Variants in DOCK9 observed in about 807,000 individuals in gnomAD.
DOCK9 encodes dedicator of cytokinesis protein 9.
DOCK9 carries 89 observed loss-of-function variants against 263.3 expected under a neutral mutation model. The ratio of observed to expected loss-of-function variants is 0.34; its 90% CI spans 0.28 to 0.40. The LOEUF is 0.40. DOCK9 is among the 10% of genes least tolerant of loss of function. The probability of loss-of-function intolerance (pLI) is 1.00; values close to 1 mark genes in which losing one functional copy is unlikely to be tolerated. For synonymous variants in DOCK9, 976 were observed against 973.1 expected (o/e 1.00, Z -0.06); for missense variants, 2,140 against 2,603.4 (o/e 0.82, Z 3.87).
chr13:98,974,548 G>A (rs1277461494), intron 1 of DOCK9, among the ~76,000 whole-genome samples: 2 of 151,862 alleles, frequency 1.3e-5, no homozygotes, highest in African/African-American at 4.8e-5. Context: ...TCAGGAGTTC[G>A]AAACCAGCCT....
intron 27 of DOCK9, among the ~76,000 whole-genome samples, chr13:98,872,276 A>T (rs1355683462): frequency 1.3e-5 from 2 of 152,090 alleles, no homozygotes; most frequent in African/African-American, 4.8e-5. Flanking sequence ...GCAAACAACA[A>T]AAGTAATGGG....
At chr13:98,942,199 T>A (rs1305936204) in intron 2 of DOCK9, among the ~76,000 whole-genome samples, 5 of 151,950 alleles carry the variant, frequency 3.3e-5, no homozygotes, top group Admixed American at 3.3e-4. Context: ...TTTCCAGTTG[T>A]CTGTATGTGT....
In DOCK9 at chr13:98,805,173, T is replaced by C. The variant is rs1387272237; in HGVS notation, c.5551A>G (p.Ile1851Val). ...AAGGGGATGACGTGAGTCACCTGGA[T>C]GTATGCATACTTAGAATCCAGATCC... The part of the protein sequence containing the change: ...PKDLDSKYAY[I>V]QVTHVIPFFD... Residue 1851 changes from isoleucine (I) to valine (V), a missense_variant, in exon 49 of 53, where the codon ATC (isoleucine) becomes GTC (valine). Physicochemically the swap from Ile to Val is conservative, Grantham distance 29. Coordinates refer to ENST00000682017, the MANE Select transcript of DOCK9 (RefSeq NM_001366683.2). The C allele has an allele frequency of 5.6e-6, 9 of 1,605,970 alleles. No individual in the cohort carries two copies. In the South Asian group the frequency reaches 1.0e-4, roughly 18 times the overall value.
intron 23 of DOCK9, 23 bp from the exon 24 acceptor site, chr13:98,882,030 T>C: frequency 6.5e-7 from 1 of 1,544,324 alleles, no homozygotes; most frequent in Non-Finnish European, 8.8e-7. Context: ...AATGGCACAG[T>C]TCATGTTATC....
chr13:98,990,028 C>T (rs1295414054), intron 1 of DOCK9, among the ~76,000 whole-genome samples: 3 of 152,178 alleles, frequency 2.0e-5, no homozygotes, highest in African/African-American at 7.2e-5. Flanking sequence ...AAAACCAACC[C>T]TAGTGTTCTG....
intron 1 of DOCK9, among the ~76,000 whole-genome samples, chr13:98,968,908 G>T (rs555604944): frequency 6.6e-6 from 1 of 152,254 alleles, no homozygotes; most frequent in East Asian, 1.9e-4. Context: ...CCCTGGAAGA[G>T]CCATCTTCTC....
chr13:99,000,838 GTAACA>G (rs1308788549), intron 1 of DOCK9, among the ~76,000 whole-genome samples: 5 of 152,080 alleles, frequency 3.3e-5, no homozygotes, highest in Non-Finnish European at 7.4e-5. Flanking sequence ...AGATAAGAAC[GTAACA>G]TCTAGCTGAG....
intron 1 of DOCK9, among the ~76,000 whole-genome samples, chr13:99,054,109 C>G (rs995294662): frequency 6.6e-6 from 1 of 152,216 alleles, no homozygotes; most frequent in Non-Finnish European, 1.5e-5. Flanking sequence ...TTTGCCGCAT[C>G]TCAAAAGAGG....
intron 1 of DOCK9, among the ~76,000 whole-genome samples, chr13:98,987,564 C>T (rs745935608): frequency 9.2e-5 from 14 of 152,238 alleles, no homozygotes; most frequent in South Asian, 2.1e-4. Context: ...TCTCCAGACA[C>T]GCTCTTCCAT....
chr13:98,916,168 G>A (rs779079506), intron 7 of DOCK9, among the ~76,000 whole-genome samples: 16 of 152,186 alleles, frequency 1.1e-4, no homozygotes, highest in Non-Finnish European at 2.4e-4. Flanking sequence ...CACTAGGCCA[G>A]GATTTCTCAA....
At chr13:98,833,574 C>A (rs1462657874) in intron 39 of DOCK9, among the ~76,000 whole-genome samples, 5 of 152,114 alleles carry the variant, frequency 3.3e-5, no homozygotes, top group Non-Finnish European at 7.4e-5. Context: ...AGGATTCAGT[C>A]CTCTTCAGCC....
chr13:98,839,193 G>A (rs572578183), intron 38 of DOCK9, among the ~76,000 whole-genome samples: 1 of 152,148 alleles, frequency 6.6e-6, no homozygotes, highest in Non-Finnish European at 1.5e-5. Flanking sequence ...CACAGCCAAC[G>A]TCTCTCCAAA....
At chr13:99,070,062 C>T (rs1319863812) in intron 1 of DOCK9, among the ~76,000 whole-genome samples, 1 of 152,174 alleles carries the variant, frequency 6.6e-6, no homozygotes, top group Non-Finnish European at 1.5e-5. Context: ...TGCAAAGTTG[C>T]ATTGTTTCAC....
chr13:99,009,996 A>G (rs1422772494), intron 1 of DOCK9, among the ~76,000 whole-genome samples: 2 of 149,462 alleles, frequency 1.3e-5, no homozygotes, highest in African/African-American at 5.0e-5. Context: ...TTAAGGCCAT[A>G]AGGTAAAAAA....
At position 98,810,183 on chromosome 13, in the gene DOCK9, G is replaced by A. The variant is rs763378979; in HGVS notation, c.5239C>T (p.Arg1747Trp). 6.5e-5 allele frequency: 105 copies of A among 1,613,760 alleles called. No individual in the cohort carries two copies. The highest frequency in any genetic ancestry group is 8.5e-5 in the Non-Finnish European group (100 of 1,179,890). ...YKLIIPIYEK[R>W]RDFERLAHLY... ...CACTCTCATACCTCAAAATCCCTCC[G>A]CTTCTCATAAATGGGGATGATAAGT... Residue 1747 changes from arginine (R) to tryptophan (W), a missense_variant, in exon 46 of 53, where the codon CGG (arginine) becomes TGG (tryptophan). Coordinates refer to ENST00000682017, the MANE Select transcript of DOCK9 (RefSeq NM_001366683.2).
chr13:98,972,413 G>A (rs548650341), intron 1 of DOCK9, among the ~76,000 whole-genome samples: 2,513 of 106,240 alleles, frequency 0.024, 70 homozygotes, highest in African/African-American at 0.084. Flanking sequence ...TTCTATACAA[G>A]CGATTTTAGT....
intron 45 of DOCK9, among the ~76,000 whole-genome samples, chr13:98,823,097 T>C (rs558345266): frequency 6.6e-6 from 1 of 151,246 alleles, no homozygotes; most frequent in South Asian, 2.1e-4. Flanking sequence ...ATTTTAAAAA[T>C]AGCATTTGTA....
chr13:98,848,379 G>T (rs1945685667), intron 37 of DOCK9, among the ~76,000 whole-genome samples: 1 of 152,118 alleles, frequency 6.6e-6, no homozygotes, highest in African/African-American at 2.4e-5. Flanking sequence ...CTTTCCAAGA[G>T]ATAACACGTG....
At chr13:98,875,343 TAAGGGG>T (rs2043657759) in intron 27 of DOCK9, among the ~76,000 whole-genome samples, 2 of 152,152 alleles carry the variant, frequency 1.3e-5, no homozygotes, top group African/African-American at 4.8e-5. Context: ...CAAATTTGGT[TAAGGGG>T]AAGTCCAAAC....
Sources: gnomAD v4.1 joint callset for allele counts (sites outside exome capture counted in the v4.1 genomes callset) on GRCh38, gnomAD v4.1.1 for gene constraint, MANE v1.5 for transcripts, NCBI Gene and HGNC (gene_info 2026-07-23, HGNC 2026-07-21) for gene names.